The following CDH13 variants were observed in gnomAD, a reference collection of about 807,000 sequenced individuals.
CDH13 encodes cadherin 13.
In CDH13, 24 loss-of-function variants were observed where a neutral mutation model predicts 63.8. That is an observed-to-expected ratio of 0.38 (90% confidence interval 0.27 to 0.53). The LOEUF (loss-of-function observed/expected upper bound fraction) is 0.53. Among genes scored for constraint, CDH13 ranks in the 20% least tolerant of loss-of-function variants. The pLI is 0.85. For synonymous variants in CDH13, 503 were observed against 355.3 expected (o/e 1.42, Z -4.67); for missense variants, 1,049 against 903.1 (o/e 1.16, Z -2.07).
chr16:83,527,215 T>A (rs1205249377), intron 7 of CDH13, among the ~76,000 whole-genome samples: 1 of 151,664 alleles, frequency 6.6e-6, no homozygotes, highest in East Asian at 1.9e-4. Context: ...TTTGGGAGGC[T>A]GAGGCAGGCA....
chr16:82,817,740 G>T (rs1418941725), intron 1 of CDH13, among the ~76,000 whole-genome samples: 1 of 152,142 alleles, frequency 6.6e-6, no homozygotes, highest in East Asian at 1.9e-4. Flanking sequence ...AGGAGGCAGA[G>T]GTTGCTGTAA....
At chr16:83,620,053 G>A (rs1477439099) in intron 8 of CDH13, among the ~76,000 whole-genome samples, 1 of 151,898 alleles carries the variant, frequency 6.6e-6, no homozygotes, top group East Asian at 1.9e-4. Flanking sequence ...GAGGAGGCTG[G>A]ATTTATTCCA....
At chr16:82,865,228 G>C (rs781404923) in intron 2 of CDH13, among the ~76,000 whole-genome samples, 3 of 152,180 alleles carry the variant, frequency 2.0e-5, no homozygotes, top group Non-Finnish European at 4.4e-5. Flanking sequence ...TACCATTCTG[G>C]GGTCTGGAGG....
chr16:83,294,138 A>C (rs1320972936), intron 5 of CDH13, among the ~76,000 whole-genome samples: 2 of 152,100 alleles, frequency 1.3e-5, no homozygotes, highest in African/African-American at 4.8e-5. Context: ...TGTAGTTTTT[A>C]CTGTGTACGA....
chr16:83,444,277 G>T (rs753336779), intron 6 of CDH13, among the ~76,000 whole-genome samples: 21 of 152,094 alleles, frequency 1.4e-4, no homozygotes, highest in Non-Finnish European at 2.5e-4. Flanking sequence ...TTGAACCCTT[G>T]CTAGGTAACA....
At chr16:83,229,372 A>G (rs2039938183) in intron 5 of CDH13, among the ~76,000 whole-genome samples, 2 of 152,116 alleles carry the variant, frequency 1.3e-5, no homozygotes, top group Admixed American at 1.3e-4. Flanking sequence ...GAAAACCTTT[A>G]TTTTTTAATT....
chr16:82,719,536 G>T (rs537057545), intron 1 of CDH13: 2 of 430,072 alleles, frequency 4.7e-6, no homozygotes, highest in Non-Finnish European at 9.3e-6. Flanking sequence ...TTCCCCCTCT[G>T]TTTTAAGCAT....
At chr16:83,201,500 G>A (rs2039027251) in intron 4 of CDH13, among the ~76,000 whole-genome samples, 1 of 152,276 alleles carries the variant, frequency 6.6e-6, no homozygotes, top group African/African-American at 2.4e-5. Context: ...GACCCATGTG[G>A]TAAGGTCCTG....
intron 8 of CDH13, among the ~76,000 whole-genome samples, chr16:83,664,935 T>C (rs1361852431): frequency 6.6e-6 from 1 of 152,212 alleles, no homozygotes; most frequent in East Asian, 1.9e-4. Context: ...CACTTACTGA[T>C]GTATTTTTGT....
intron 7 of CDH13, among the ~76,000 whole-genome samples, chr16:83,520,748 A>C (rs1848280537): frequency 6.6e-6 from 1 of 152,200 alleles, no homozygotes; most frequent in South Asian, 2.1e-4. Context: ...TTAGAGCCAG[A>C]ACAGGACGTG....
intron 5 of CDH13, among the ~76,000 whole-genome samples, chr16:83,294,735 CA>C (rs2089548714): frequency 6.6e-6 from 1 of 151,622 alleles, no homozygotes. Flanking sequence ...TTGAAGAAAA[CA>C]AAAATAAATG....
At chr16:83,314,896 G>A (rs2090074647) in intron 5 of CDH13, among the ~76,000 whole-genome samples, 1 of 152,162 alleles carries the variant, frequency 6.6e-6, no homozygotes, top group South Asian at 2.1e-4. Flanking sequence ...GGTTCCTGTG[G>A]GTTCTTGGGC....
intron 7 of CDH13, among the ~76,000 whole-genome samples, chr16:83,571,964 T>C (rs1373203126): frequency 2.6e-5 from 4 of 152,102 alleles, no homozygotes; most frequent in Non-Finnish European, 4.4e-5. Context: ...GGGGAAGTCA[T>C]TTAACATTCT....
intron 2 of CDH13, among the ~76,000 whole-genome samples, chr16:82,986,465 T>C (rs1910952974): frequency 6.6e-6 from 1 of 152,224 alleles, no homozygotes; most frequent in South Asian, 2.1e-4. Flanking sequence ...CTTATTGTCC[T>C]CTGGGTCAAA....
intron 3 of CDH13, among the ~76,000 whole-genome samples, chr16:83,078,510 C>T (rs1220031117): frequency 6.6e-6 from 1 of 152,334 alleles, no homozygotes; most frequent in East Asian, 1.9e-4. Context: ...GCTGATCTCA[C>T]AAGAGGTGGA....
chr16:82,990,660 C>T (rs779772362), intron 2 of CDH13, among the ~76,000 whole-genome samples: 2 of 151,906 alleles, frequency 1.3e-5, no homozygotes, highest in Admixed American at 6.6e-5. Flanking sequence ...GATTCTCCCA[C>T]CTCAGCCTCC....
At chr16:82,953,180 A>T (rs1024912089) in intron 2 of CDH13, 2 of 152,200 alleles carry the variant, frequency 1.3e-5, no homozygotes, top group African/African-American at 2.4e-5. Flanking sequence ...AACCTCTCTT[A>T]GATTTGTGGA....
rs375185605 is a variant in CDH13 at position 82,913,958 on chromosome 16, C to T, written c.157+55485C>T. Reference sequence around the variant, plus strand: ...ACTGAGAGGCAGGAGATGTAGACAGCGCTGGGGGATGTAGACACCACTTGT... The same window carrying T: ...ACTGAGAGGCAGGAGATGTAGACAGTGCTGGGGGATGTAGACACCACTTGT... On this transcript the variant is annotated intron_variant, in intron 2 of 13. Transcript: ENST00000567109. 9.1e-4 allele frequency among the ~76,000 whole-genome samples: 138 copies of T among 151,806 alleles called. 2 individuals are homozygous for T. The South Asian group carries it at 0.027, about 29-fold the overall frequency.
rs553873447 is a variant in CDH13, at chr16:83,035,861, A to G, written c.366+3643A>G. 2.0e-5 allele frequency among the ~76,000 whole-genome samples: 3 copies of G among 152,340 alleles called. No homozygotes were observed. The South Asian group carries it at 6.2e-4, about 32-fold the overall frequency. On this transcript the variant is annotated intron_variant, in intron 3 of 13. Coordinates refer to ENST00000567109, the MANE Select transcript of CDH13 (RefSeq NM_001257.5). ...GTGGATTCAATGAGACGATACATGT[A>G]GCAGTAATGTATAGCACTCAGCTGA...
Sources: gnomAD v4.1 joint callset for allele counts (sites outside exome capture counted in the v4.1 genomes callset) on GRCh38, gnomAD v4.1.1 for gene constraint, MANE v1.5 for transcripts, NCBI Gene and HGNC (gene_info 2026-07-23, HGNC 2026-07-21) for gene names.